Variants in NRXN1 observed in about 807,000 individuals in gnomAD.
The protein encoded by NRXN1 is neurexin-1.
NRXN1 carries 39 observed loss-of-function variants against 150.9 expected under a neutral mutation model. That is an observed-to-expected ratio of 0.26 (90% CI 0.20 to 0.34). The LOEUF (loss-of-function observed/expected upper bound fraction) is 0.34, where lower values mean the gene tolerates loss of function less well. Among genes scored for constraint, NRXN1 ranks in the 10% least tolerant of loss-of-function variants. The pLI is 1.00. For missense variants in NRXN1, 1,815 were observed against 1,949.9 expected (o/e 0.93, Z 1.30); for synonymous variants, 924 against 757.0 (o/e 1.22, Z -3.62).
intron 18 of NRXN1, among the ~76,000 whole-genome samples, chr2:50,160,729 A>G (rs1041853066): frequency 6.6e-6 from 1 of 152,178 alleles, no homozygotes; most frequent in Admixed American, 6.5e-5. Context: ...CACTATCCAG[A>G]AAGCCCTCGG....
At chr2:50,477,310 G>A (rs866456969) in intron 15 of NRXN1, among the ~76,000 whole-genome samples, 16 of 152,134 alleles carry the variant, frequency 1.1e-4, no homozygotes, top group Admixed American at 3.9e-4. Context: ...AGCAGGCTAG[G>A]AAACTAGGGA....
At chr2:50,656,517 G>T (rs952563028) in intron 5 of NRXN1, 8 of 607,446 alleles carry the variant, frequency 1.3e-5, no homozygotes, top group Non-Finnish European at 2.4e-5. Flanking sequence ...GAAAGGGGAA[G>T]TTAATTTATC....
chr2:51,011,693 G>A (rs941978844), intron 2 of NRXN1, among the ~76,000 whole-genome samples: 1 of 151,974 alleles, frequency 6.6e-6, no homozygotes, highest in African/African-American at 2.4e-5. Flanking sequence ...AAAGAAAATG[G>A]TAAGAAATGA....
chr2:50,978,307 A>ATATATATATAT (rs1558524554), intron 2 of NRXN1, among the ~76,000 whole-genome samples: 18 of 79,250 alleles, frequency 2.3e-4, no homozygotes, highest in East Asian at 1.9e-3. Context: ...TATATATATA[A>ATATATATATAT]AATATATATA....
chr2:50,629,810 T>C (rs1681923509), intron 5 of NRXN1, among the ~76,000 whole-genome samples: 1 of 151,666 alleles, frequency 6.6e-6, no homozygotes, highest in Non-Finnish European at 1.5e-5. Flanking sequence ...TGAATATTAA[T>C]ATCCTTTAAT....
chr2:50,556,928 T>G lies in NRXN1; in HGVS notation c.1321-3903A>C, dbSNP rs554752451. Reference sequence around the variant, plus strand: ...TAAATTCTTGAGCTTTTTTTACCCTTAATATGTGTGATTTGGGACAGACAT... The same window carrying G: ...TAAATTCTTGAGCTTTTTTTACCCTGAATATGTGTGATTTGGGACAGACAT... On this transcript the variant is annotated intron_variant, in intron 8 of 22. Coordinates refer to ENST00000401669, the MANE Select transcript of NRXN1 (RefSeq NM_001330078.2). 7.2e-5 allele frequency among the ~76,000 whole-genome samples: 11 copies of G among 152,274 alleles called. No individual in the cohort carries two copies. In the South Asian group the frequency reaches 2.3e-3, roughly 32 times the overall value.
chr2:50,124,155 T>G (rs936690375), intron 18 of NRXN1, among the ~76,000 whole-genome samples: 2 of 152,146 alleles, frequency 1.3e-5, no homozygotes, highest in Non-Finnish European at 2.9e-5. Flanking sequence ...AGAAGTCAAG[T>G]GAACAAGTGT....
chr2:50,561,284 C>G (rs974664683), intron 8 of NRXN1, among the ~76,000 whole-genome samples: 1 of 152,156 alleles, frequency 6.6e-6, no homozygotes, highest in African/African-American at 2.4e-5. Context: ...GCAGAATAAC[C>G]TGAGTTTCAT....
At chr2:50,963,682 AT>A (rs1284785669) in intron 2 of NRXN1, among the ~76,000 whole-genome samples, 2 of 151,596 alleles carry the variant, frequency 1.3e-5, no homozygotes, top group Non-Finnish European at 3.0e-5. Context: ...AGATACGGTG[AT>A]TTTTCCCTTG....
intron 2 of NRXN1, among the ~76,000 whole-genome samples, chr2:50,976,034 C>T (rs181894983): frequency 1.5e-3 from 230 of 152,146 alleles, no homozygotes; most frequent in South Asian, 1.0e-2. Flanking sequence ...CTTGACTAGA[C>T]ATCTGCATAT....
intron 17 of NRXN1, among the ~76,000 whole-genome samples, chr2:50,254,158 C>T (rs1387383879): frequency 6.6e-6 from 1 of 151,754 alleles, no homozygotes; most frequent in East Asian, 1.9e-4. Context: ...TGTATGTGTC[C>T]AGGAATTTAT....
intron 17 of NRXN1, among the ~76,000 whole-genome samples, chr2:50,441,239 G>T (rs562586071): frequency 2.6e-5 from 4 of 152,136 alleles, no homozygotes; most frequent in South Asian, 2.1e-4. Context: ...TGTCTTAGGG[G>T]TCCCCAAATT....
chr2:50,551,534 T>C (rs1279844644), intron 9 of NRXN1, among the ~76,000 whole-genome samples: 1 of 152,024 alleles, frequency 6.6e-6, no homozygotes, highest in Non-Finnish European at 1.5e-5. Context: ...TGAAAGACCA[T>C]GGTTATCACA....
At chr2:50,645,283 C>G (rs376467031) in intron 5 of NRXN1, among the ~76,000 whole-genome samples, 1 of 151,590 alleles carries the variant, frequency 6.6e-6, no homozygotes, top group Non-Finnish European at 1.5e-5. Context: ...AAGACACATC[C>G]CAGAAAATCA....
chr2:50,889,976 C>T (rs572300913), intron 5 of NRXN1, among the ~76,000 whole-genome samples: 4 of 151,636 alleles, frequency 2.6e-5, no homozygotes, highest in African/African-American at 9.6e-5. Context: ...TCTAATTTAT[C>T]AGTATTTAAA....
intron 8 of NRXN1, among the ~76,000 whole-genome samples, chr2:50,568,716 T>C (rs888678250): frequency 7.2e-5 from 11 of 152,130 alleles, no homozygotes; most frequent in Admixed American, 2.0e-4. Flanking sequence ...GTACAACCAC[T>C]ACAGAGAACA....
chr2:50,468,836 T>A (rs931343558), intron 16 of NRXN1, among the ~76,000 whole-genome samples: 10 of 151,532 alleles, frequency 6.6e-5, no homozygotes, highest in African/African-American at 2.4e-4. Flanking sequence ...AATGAGATAG[T>A]ATAGGTAAAC....
chr2:50,320,744 G>A (rs1477777890), intron 17 of NRXN1, among the ~76,000 whole-genome samples: 1 of 152,086 alleles, frequency 6.6e-6, no homozygotes, highest in Non-Finnish European at 1.5e-5. Flanking sequence ...TGACCGTGAG[G>A]TATGGAGGGG....
In NRXN1 at chr2:50,623,238, T is replaced by G. The variant is rs141098043; in HGVS notation, c.1134+76A>C. The G allele has an allele frequency of 3.0e-5, 35 of 1,165,002 alleles. No individual in the cohort carries two copies. In the African/African-American group the frequency reaches 4.9e-4, roughly 16 times the overall value. The allele number at this position is 1,165,002 out of a possible 1,614,324, so 72.2% of individuals were successfully genotyped here. On this transcript the variant is annotated intron_variant, in intron 6 of 22. Transcript: ENST00000401669. ...TCTGAGGAGCCCTGTATCATGTTGTTAGAGTATTTAAGTACCACACACACA... is the reference window on the plus strand; with the variant it reads ...TCTGAGGAGCCCTGTATCATGTTGTGAGAGTATTTAAGTACCACACACACA...
Sources: allele counts gnomAD v4.1 joint callset (sites outside exome capture counted in the v4.1 genomes callset), GRCh38; gene constraint gnomAD v4.1.1; transcripts MANE v1.5; gene names NCBI Gene and HGNC (gene_info 2026-07-23, HGNC 2026-07-21).